The following KALRN variants were observed in gnomAD, a reference collection of about 807,000 sequenced individuals.
KALRN encodes the protein kalirin RhoGEF kinase, also known as kalirin.
In KALRN, 70 loss-of-function variants were observed where a neutral mutation model predicts 353.7. That is an observed-to-expected ratio of 0.20 (90% CI 0.16 to 0.24). The LOEUF (loss-of-function observed/expected upper bound fraction) is 0.24, where lower values mean the gene tolerates loss of function less well. Among genes scored for constraint, KALRN ranks in the 10% least tolerant of loss-of-function variants. The pLI is 1.00. For synonymous variants in KALRN, 1,391 were observed against 1,434.8 expected (o/e 0.97, Z 0.69); for missense variants, 2,791 against 3,756.7 (o/e 0.74, Z 6.72).
intron 34 of KALRN, among the ~76,000 whole-genome samples, chr3:124,580,883 A>G (rs35035206): frequency 0.26 from 38,988 of 151,698 alleles, 5,219 homozygotes; most frequent in Non-Finnish European, 0.3. Context: ...CGAGGGGGGC[A>G]GATCGCTTGA....
intron 54 of KALRN, 43 bp downstream of exon 54, chr3:124,696,298 A>T (rs754421301): frequency 8.2e-6 from 13 of 1,586,076 alleles, no homozygotes; most frequent in East Asian, 2.3e-5. Context: ...ATATATATAT[A>T]TTTTTAGACA....
In KALRN at chr3:124,532,198, C is replaced by T. The variant is rs1398591167; in HGVS notation, c.4936-30645C>T. Among the ~76,000 whole-genome samples the T allele has an allele frequency of 2.0e-5, 3 of 152,332 alleles. No homozygotes were observed. In the East Asian group the frequency reaches 5.8e-4, roughly 29 times the overall value. On this transcript the variant is annotated intron_variant, in intron 33 of 59. Transcript: ENST00000682506. The stretch of plus-strand genomic sequence containing the variant: ...AGAGTCACTGACCAATGTTGCAAAG[C>T]ATGTTTTACATAAGTGTAAGAACAT...
intron 37 of KALRN, among the ~76,000 whole-genome samples, chr3:124,640,255 G>C (rs1435893258): frequency 1.3e-5 from 2 of 150,956 alleles, no homozygotes; most frequent in Admixed American, 1.3e-4. Context: ...ATCATGAGCT[G>C]TGTGTGACTA....
At chr3:124,543,387 C>T (rs1036417972) in intron 33 of KALRN, among the ~76,000 whole-genome samples, 5 of 151,766 alleles carry the variant, frequency 3.3e-5, no homozygotes, top group South Asian at 4.2e-4. Flanking sequence ...CTGCAAGCTC[C>T]GCCTCCCAGG....
At chr3:124,088,993 A>G (rs2060963552) in intron 1 of KALRN, among the ~76,000 whole-genome samples, 1 of 152,122 alleles carries the variant, frequency 6.6e-6, no homozygotes, top group Non-Finnish European at 1.5e-5. Context: ...CTGATTTAAC[A>G]GTGGGTGGCC....
intron 12 of KALRN, among the ~76,000 whole-genome samples, chr3:124,397,010 T>C (rs2090249051): frequency 6.6e-6 from 1 of 152,258 alleles, no homozygotes; most frequent in Non-Finnish European, 1.5e-5. Flanking sequence ...CTGATCTTTC[T>C]GACACTTGTT....
At chr3:124,625,759 A>T (rs1167819285) in intron 34 of KALRN, among the ~76,000 whole-genome samples, 1 of 148,324 alleles carries the variant, frequency 6.7e-6, no homozygotes, top group Non-Finnish European at 1.5e-5. Flanking sequence ...CAAAATTATG[A>T]TGTAGCCTAT....
At chr3:124,056,557 G>A (rs2041558145) in intron 1 of KALRN, among the ~76,000 whole-genome samples, 1 of 152,154 alleles carries the variant, frequency 6.6e-6, no homozygotes, top group Non-Finnish European at 1.5e-5. Flanking sequence ...GAAAGTCTAT[G>A]GGGTCTCTGA....
At chr3:124,590,476 G>A (rs1029473224) in intron 34 of KALRN, among the ~76,000 whole-genome samples, 1 of 152,074 alleles carries the variant, frequency 6.6e-6, no homozygotes, top group East Asian at 1.9e-4. Flanking sequence ...AAATAAAAAA[G>A]CAAGTTGAAT....
intron 33 of KALRN, among the ~76,000 whole-genome samples, chr3:124,536,593 T>C (rs2068542981): frequency 6.6e-6 from 1 of 152,236 alleles, no homozygotes; most frequent in Non-Finnish European, 1.5e-5. Flanking sequence ...GTACTTACTT[T>C]GTACAGAAAA....
intron 14 of KALRN, among the ~76,000 whole-genome samples, chr3:124,417,802 C>T (rs1311993251): frequency 6.6e-6 from 1 of 152,204 alleles, no homozygotes; most frequent in Non-Finnish European, 1.5e-5. Flanking sequence ...CACATAGGGT[C>T]ATGTGAGGAT....
Position 124,168,144 on chromosome 3 carries a change from G to A in KALRN, c.74-59846G>A, listed in dbSNP as rs114332761. Among the ~76,000 whole-genome samples, 492 of 152,338 alleles carry A rather than the reference G, an allele frequency of 3.2e-3. 3 individuals are homozygous for A. The highest frequency in any genetic ancestry group is 0.011 in the African/African-American group (476 of 41,576). On this transcript the variant is annotated intron_variant, in intron 1 of 59. Transcript: ENST00000682506. ...TACAAAACAACTGCAGGGAGTTCCTGTCTGCCTGAGGAGATCATCATTCAC... is the reference window on the plus strand; with the variant it reads ...TACAAAACAACTGCAGGGAGTTCCTATCTGCCTGAGGAGATCATCATTCAC...
At chr3:124,685,039 A>T (rs1432413856) in intron 51 of KALRN, among the ~76,000 whole-genome samples, 1 of 152,156 alleles carries the variant, frequency 6.6e-6, no homozygotes, top group Non-Finnish European at 1.5e-5. Flanking sequence ...TTACACCCCC[A>T]GCCAGGTGAC....
At chr3:124,237,896 C>A (rs1406722192) in intron 3 of KALRN, among the ~76,000 whole-genome samples, 1 of 152,066 alleles carries the variant, frequency 6.6e-6, no homozygotes, top group Non-Finnish European at 1.5e-5. Context: ...AGAAGACAAA[C>A]AAATAAGGAT....
intron 34 of KALRN, among the ~76,000 whole-genome samples, chr3:124,575,501 C>G (rs976689974): frequency 1.3e-5 from 2 of 152,212 alleles, no homozygotes; most frequent in Non-Finnish European, 2.9e-5. Context: ...TTTCCTGTTG[C>G]TGCTGTAACA....
chr3:124,037,880 T>G (rs1333050274), intron 1 of KALRN, among the ~76,000 whole-genome samples: 1 of 152,078 alleles, frequency 6.6e-6, no homozygotes, highest in East Asian at 1.9e-4. Flanking sequence ...GGACCTGGTT[T>G]TGCAGGGCAG....
At chr3:124,674,161 A>C (rs542220324) in intron 48 of KALRN, among the ~76,000 whole-genome samples, 1 of 152,252 alleles carries the variant, frequency 6.6e-6, no homozygotes, top group South Asian at 2.1e-4. Context: ...CCTGGATGAT[A>C]ATATTGTTGA....
chr3:124,129,686 C>T (rs1053778384), intron 1 of KALRN, among the ~76,000 whole-genome samples: 6 of 152,192 alleles, frequency 3.9e-5, no homozygotes, highest in Non-Finnish European at 8.8e-5. Flanking sequence ...GTAATAATCA[C>T]GTCGCCTTCA....
Position 124,287,952 on chromosome 3 carries a change from C to A in KALRN, c.970-10839C>A, listed in dbSNP as rs914835429. The stretch of plus-strand genomic sequence containing the variant: ...ACAGTGGTGTGATCTCGGCACACTG[C>A]AACCTCCACCTCCTGGGTTCAAGTG... On this transcript the variant is annotated intron_variant, in intron 5 of 59. Coordinates refer to ENST00000682506, the MANE Select transcript of KALRN (RefSeq NM_001388419.1). 1.3e-5 allele frequency among the ~76,000 whole-genome samples: 2 copies of A among 150,768 alleles called. 1 individual carries two copies. The highest frequency in any genetic ancestry group is 3.0e-5 in the Non-Finnish European group (2 of 67,686).
Sources: gnomAD v4.1 joint callset for allele counts (sites outside exome capture counted in the v4.1 genomes callset) on GRCh38, gnomAD v4.1.1 for gene constraint, MANE v1.5 for transcripts, NCBI Gene and HGNC (gene_info 2026-07-23, HGNC 2026-07-21) for gene names.